The following FRMD3 variants were observed in gnomAD, a reference collection of about 807,000 sequenced individuals.
The protein encoded by FRMD3 is FERM domain containing 3, also known as FERM domain-containing protein 3.
In FRMD3, 33 loss-of-function variants were observed where a neutral mutation model predicts 70.2. The observed-to-expected ratio is 0.47, with a 90% confidence interval of 0.36 to 0.63. FRMD3 has a LOEUF of 0.63. Ranked by LOEUF, FRMD3 falls within the 20% of genes least tolerant of loss-of-function variation. The probability of loss-of-function intolerance (pLI) is 0.00; values close to 1 mark genes in which losing one functional copy is unlikely to be tolerated. For missense variants in FRMD3, 632 were observed against 711.4 expected (o/e 0.89, Z 1.27); for synonymous variants, 279 against 255.9 (o/e 1.09, Z -0.86).
At chr9:83,379,684 G>A (rs542142491) in intron 2 of FRMD3, among the ~76,000 whole-genome samples, 5 of 152,222 alleles carry the variant, frequency 3.3e-5, no homozygotes, top group South Asian at 2.1e-4. Flanking sequence ...GCAGCCTGAC[G>A]CTTTTTAGGA....
At chr9:83,527,619 G>C (rs565868899) in intron 1 of FRMD3, among the ~76,000 whole-genome samples, 1 of 152,164 alleles carries the variant, frequency 6.6e-6, no homozygotes, top group Non-Finnish European at 1.5e-5. Flanking sequence ...AGCGTGCTAA[G>C]AATGTCAAAT....
In FRMD3 at chr9:83,319,987, C is replaced by T. The variant is rs77167968; in HGVS notation, c.597-6240G>A. Among the ~76,000 whole-genome samples, 204 of 152,210 alleles carry T rather than the reference C, an allele frequency of 1.3e-3. 4 individuals are homozygous for T. In the East Asian group the frequency reaches 0.034, roughly 25 times the overall value. On this transcript the variant is annotated intron_variant, in intron 6 of 13. Transcript: ENST00000304195. ...CTAATACAATGTATAATAATACTAC[C>T]GATTTCTGCATATATATCTTGTATT...
intron 10 of FRMD3, among the ~76,000 whole-genome samples, chr9:83,304,548 AAC>A: frequency 6.6e-6 from 1 of 152,326 alleles, no homozygotes; most frequent in South Asian, 2.1e-4. Flanking sequence ...TACCAAGCAT[AAC>A]ACTGTTCCTT....
At position 83,467,680 on chromosome 9, in the gene FRMD3, C is replaced by G. The variant is rs72746818; in HGVS notation, c.147+70405G>C. 2.5e-5 allele frequency: 38 copies of G among 1,535,006 alleles called. No individual in the cohort carries two copies. The South Asian group carries it at 2.9e-4, about 12-fold the overall frequency. ...CCAAGACAAAAAGGATTTGCAGTGCCGTGATCTGCTAGTGCCTTAAAATAC... is the reference window on the plus strand; with the variant it reads ...CCAAGACAAAAAGGATTTGCAGTGCGGTGATCTGCTAGTGCCTTAAAATAC... On this transcript the variant is annotated intron_variant, in intron 1 of 13. Coordinates refer to ENST00000304195, the MANE Select transcript of FRMD3 (RefSeq NM_174938.6).
intron 1 of FRMD3, among the ~76,000 whole-genome samples, chr9:83,497,680 G>A (rs11140126): frequency 0.11 from 17,313 of 152,146 alleles, 1,333 homozygotes; most frequent in African/African-American, 0.21. Flanking sequence ...TTATGAGCTG[G>A]TGTGCAACCT....
At chr9:83,493,482 G>A (rs1828874456) in intron 1 of FRMD3, among the ~76,000 whole-genome samples, 1 of 152,166 alleles carries the variant, frequency 6.6e-6, no homozygotes, top group South Asian at 2.1e-4. Context: ...TGTCTTCCAC[G>A]AAGCACTGGC....
intron 1 of FRMD3, among the ~76,000 whole-genome samples, chr9:83,449,484 G>A (rs912201786): frequency 6.6e-6 from 1 of 152,206 alleles, no homozygotes; most frequent in East Asian, 1.9e-4. Context: ...ATTTTCACCA[G>A]AATCATAATG....
intron 13 of FRMD3, among the ~76,000 whole-genome samples, chr9:83,273,825 C>CT (rs924913491): frequency 3.3e-5 from 5 of 151,820 alleles, no homozygotes; most frequent in South Asian, 4.2e-4. Flanking sequence ...GTTTTCTTTT[C>CT]TTTTTTTTGA....
chr9:83,429,198 A>T (rs1826899223), intron 1 of FRMD3, among the ~76,000 whole-genome samples: 1 of 152,184 alleles, frequency 6.6e-6, no homozygotes, highest in Non-Finnish European at 1.5e-5. Flanking sequence ...AGTGGCCATC[A>T]GCTTCCAGAG....
chr9:83,271,953 C>T (rs1329053748), intron 13 of FRMD3, among the ~76,000 whole-genome samples: 5 of 152,132 alleles, frequency 3.3e-5, no homozygotes, highest in East Asian at 1.9e-4. Flanking sequence ...TATTTATAAA[C>T]GGAAAAGAGC....
At chr9:83,465,914 C>A (rs1828113812) in intron 1 of FRMD3, among the ~76,000 whole-genome samples, 1 of 152,182 alleles carries the variant, frequency 6.6e-6, no homozygotes, top group Admixed American at 6.5e-5. Context: ...CAATTAGGCT[C>A]TTTAGATAAA....
At chr9:83,313,357 T>C (rs1835436066) in intron 7 of FRMD3, among the ~76,000 whole-genome samples, 2 of 152,174 alleles carry the variant, frequency 1.3e-5, no homozygotes, top group Non-Finnish European at 2.9e-5. Flanking sequence ...GCCTTGAAAG[T>C]AAATGTGTCA....
intron 1 of FRMD3, among the ~76,000 whole-genome samples, chr9:83,390,119 C>T (rs1288930886): frequency 6.6e-6 from 1 of 152,218 alleles, no homozygotes; most frequent in Non-Finnish European, 1.5e-5. Flanking sequence ...CATATTCATT[C>T]ATCCAGTTCT....
At chr9:83,522,688 C>G (rs1829601212) in intron 1 of FRMD3, among the ~76,000 whole-genome samples, 1 of 151,508 alleles carries the variant, frequency 6.6e-6, no homozygotes, top group African/African-American at 2.4e-5. Context: ...CTCAGCCTCC[C>G]GAGTAGCTGG....
chr9:83,274,610 G>A (rs1020682175), intron 13 of FRMD3, among the ~76,000 whole-genome samples: 2 of 152,194 alleles, frequency 1.3e-5, no homozygotes, highest in African/African-American at 4.8e-5. Context: ...GAGAAGCTTT[G>A]TCTGAGAGAG....
intron 6 of FRMD3, among the ~76,000 whole-genome samples, chr9:83,331,074 C>T (rs1341860930): frequency 6.6e-6 from 1 of 152,136 alleles, no homozygotes; most frequent in Non-Finnish European, 1.5e-5. Flanking sequence ...ATACTCTTAC[C>T]ATATGATAGA....
At chr9:83,546,890 C>CAAACAAAAAA in the FRMD3 span, among the ~76,000 whole-genome samples, 1 of 64,148 alleles carries the variant, frequency 1.6e-5, no homozygotes, top group African/African-American at 5.7e-5. Flanking sequence ...GACTCTGTCT[C>CAAACAAAAAA]AAAAAAAAAA....
Position 83,246,222 on chromosome 9 carries a change from T to C in FRMD3, c.*1696A>G. ...ATTCCAAGTGGGCCCTGTAACTTTG[T>C]ACATTAGGGCAGTGGAATGTTTTCA... On this transcript the variant is annotated 3_prime_UTR_variant, in exon 14 of 14. Coordinates refer to ENST00000304195, the MANE Select transcript of FRMD3 (RefSeq NM_174938.6). 1 of 984,892 alleles carries C rather than the reference T, an allele frequency of 1.0e-6. No homozygotes were observed. The highest frequency in any genetic ancestry group is 4.7e-5 in the South Asian group (1 of 21,260). The allele number at this position is 984,892 out of a possible 1,614,324, so 61.0% of individuals were successfully genotyped here. A position where few individuals can be genotyped will look rare whatever the true frequency, so the allele number is the denominator to read the frequency against.
At chr9:83,290,898 T>C (rs970714578) in intron 12 of FRMD3, among the ~76,000 whole-genome samples, 171 bp from the exon 13 acceptor site, 3 of 152,206 alleles carry the variant, frequency 2.0e-5, no homozygotes, top group African/African-American at 4.8e-5. Context: ...TGGCCCTTTC[T>C]GCTCTTAAGG....
Sources: allele counts gnomAD v4.1 joint callset (sites outside exome capture counted in the v4.1 genomes callset), GRCh38; gene constraint gnomAD v4.1.1; transcripts MANE v1.5; gene names NCBI Gene and HGNC (gene_info 2026-07-23, HGNC 2026-07-21).